The following ARHGEF10L variants were observed in gnomAD, a reference collection of about 807,000 sequenced individuals.
The protein encoded by ARHGEF10L is rho guanine nucleotide exchange factor 10-like protein.
In ARHGEF10L, 69 loss-of-function variants were observed where a neutral mutation model predicts 141.2. The observed-to-expected ratio is 0.49, with a 90% confidence interval of 0.40 to 0.60. The LOEUF is 0.60. Ranked by LOEUF, ARHGEF10L falls within the 20% of genes least tolerant of loss-of-function variation. The pLI, the probability that ARHGEF10L is intolerant of heterozygous loss-of-function variation, is 0.00. For synonymous variants in ARHGEF10L, 711 were observed against 718.5 expected (o/e 0.99, Z 0.17); for missense variants, 1,482 against 1,734.3 (o/e 0.85, Z 2.58).
At chr1:17,546,864 G>A (rs1415221931) in intron 1 of ARHGEF10L, among the ~76,000 whole-genome samples, 1 of 152,182 alleles carries the variant, frequency 6.6e-6, no homozygotes, top group Admixed American at 6.5e-5. Flanking sequence ...AGAGTGGCAG[G>A]CACCTTGGTA....
At chr1:17,651,245 A>G (rs1292649978) in intron 22 of ARHGEF10L, among the ~76,000 whole-genome samples, 1 of 152,140 alleles carries the variant, frequency 6.6e-6, no homozygotes, top group African/African-American at 2.4e-5. Flanking sequence ...GCCCTGGTGG[A>G]GGCCGTCGGC....
chr1:17,688,601 C>T (rs960303345), intron 27 of ARHGEF10L, among the ~76,000 whole-genome samples: 2 of 152,180 alleles, frequency 1.3e-5, no homozygotes, highest in African/African-American at 4.8e-5. Context: ...CTGGGAGAGC[C>T]AAAGGGCCCT....
chr1:17,543,127 C>T (rs1247935356), intron 1 of ARHGEF10L, among the ~76,000 whole-genome samples: 1 of 152,194 alleles, frequency 6.6e-6, no homozygotes, highest in African/African-American at 2.4e-5. Context: ...CATTTTCATT[C>T]AGGACCCTGG....
In ARHGEF10L at chr1:17,656,541, C is replaced by A; in HGVS notation, c.2706-13C>A. On this transcript the variant is annotated splice_polypyrimidine_tract_variant and intron_variant, in intron 24 of 28. Coordinates refer to ENST00000361221, the MANE Select transcript of ARHGEF10L (RefSeq NM_018125.4). The surrounding 1 kb of genome is among the most constrained non-coding windows in gnomAD (Gnocchi z 4.9). ...CAGTGTGTCATGACCGCTTCTCCAA[C>A]CTCTCCCCGCAGCATCCTCCTCTAC... 6.2e-7 allele frequency: 1 copy of A among 1,603,756 alleles called. No individual in the cohort carries two copies. The highest frequency in any genetic ancestry group is 8.5e-7 in the Non-Finnish European group (1 of 1,172,636).
At chr1:17,605,687 G>A (rs2081106706) in intron 6 of ARHGEF10L, among the ~76,000 whole-genome samples, 1 of 152,160 alleles carries the variant, frequency 6.6e-6, no homozygotes, top group Admixed American at 6.5e-5. Context: ...GCACAGGGCC[G>A]CTGGGAGCCG....
chr1:17,643,919 C>G (rs976649121), intron 21 of ARHGEF10L, among the ~76,000 whole-genome samples: 1 of 152,262 alleles, frequency 6.6e-6, no homozygotes, highest in South Asian at 2.1e-4. Flanking sequence ...GGTAAAAGCT[C>G]CAGAACAGGG....
Position 17,599,033 on chromosome 1 carries a change from C to T in ARHGEF10L, c.258-3094C>T, listed in dbSNP as rs10888044. On this transcript the variant is annotated intron_variant, in intron 4 of 28. Coordinates refer to ENST00000361221, the MANE Select transcript of ARHGEF10L (RefSeq NM_018125.4). ...GAATAGGGGTAACAACACCTGCCTC[C>T]GGTGTGTTCCTGCAAAATTAAATGT... is the stretch of plus-strand genomic sequence containing the variant. 9.9e-3 allele frequency among the ~76,000 whole-genome samples: 1,500 copies of T among 152,164 alleles called. 25 individuals are homozygous for T. Among genetic ancestry groups the T allele is most frequent in the African/African-American group, 0.034 (1,426 of 41,504 alleles).
intron 3 of ARHGEF10L, among the ~76,000 whole-genome samples, chr1:17,588,090 T>G (rs924493590): frequency 1.3e-5 from 2 of 152,150 alleles, no homozygotes; most frequent in African/African-American, 4.8e-5. Context: ...GAGTCTGTTA[T>G]CTGAGAGAGA....
At position 17,618,634 on chromosome 1, in the gene ARHGEF10L, G is replaced by A. The variant is rs992639615; in HGVS notation, c.836-705G>A. On this transcript the variant is annotated intron_variant, in intron 9 of 28. Transcript: ENST00000361221. ...CCATTTCCTGCTGCCCACAGCCACC[G>A]CTGGAGTCAGAGCCATTCAGCAGCT... 1.9e-4 allele frequency: 152 copies of A among 802,052 alleles called. 1 individual carries two copies. In the East Asian group the frequency reaches 4.9e-3, roughly 26 times the overall value. The allele number at this position is 802,052 out of a possible 1,614,324, so 49.7% of individuals were successfully genotyped here.
chr1:17,684,429 G>A (rs1199319964), intron 26 of ARHGEF10L, among the ~76,000 whole-genome samples: 2 of 152,178 alleles, frequency 1.3e-5, no homozygotes, highest in African/African-American at 4.8e-5. Context: ...TACTAAACCT[G>A]ACTTTGCACA....
intron 1 of ARHGEF10L, among the ~76,000 whole-genome samples, chr1:17,577,190 A>G (rs2078258520): frequency 6.6e-6 from 1 of 152,138 alleles, no homozygotes; most frequent in Admixed American, 6.5e-5. Context: ...GACTACAGGC[A>G]TGTGCCACCA....
At chr1:17,515,291 C>CTTTTTTTTTTTT in the ARHGEF10L span, among the ~76,000 whole-genome samples, 1 of 132,000 alleles carries the variant, frequency 7.6e-6, no homozygotes. Flanking sequence ...CTTTTTCTCT[C>CTTTTTTTTTTTT]TTTTTTTTTT....
chr1:17,656,359 C>T lies in ARHGEF10L; in HGVS notation c.2706-195C>T, dbSNP rs190068523. ...TGAGTCCTCTTCGTGACAGAGGTGT[C>T]AGGGAGGGTACCGTCCCAGAAAACC... is the stretch of plus-strand genomic sequence containing the variant. On this transcript the variant is annotated intron_variant, in intron 24 of 28. Coordinates refer to ENST00000361221, the MANE Select transcript of ARHGEF10L (RefSeq NM_018125.4). This position sits in a 1 kb window ranked among gnomAD's most constrained non-coding sequence, Gnocchi z 4.9. Among the ~76,000 whole-genome samples, 10 of 152,224 alleles carry T rather than the reference C, an allele frequency of 6.6e-5. No homozygotes were observed. The highest frequency in any genetic ancestry group is 2.4e-4 in the African/African-American group (10 of 41,458).
intron 1 of ARHGEF10L, among the ~76,000 whole-genome samples, chr1:17,561,026 C>T (rs1347625090): frequency 1.1e-4 from 16 of 152,194 alleles, no homozygotes. Context: ...GCTGTGTGGT[C>T]TTGGGCAGGT....
chr1:17,518,797 T>C, the ARHGEF10L span, among the ~76,000 whole-genome samples: 126,262 of 131,204 alleles, frequency 0.96, 60,802 homozygotes, highest in Non-Finnish European at 0.97. Context: ...AGCAAGATTC[T>C]GTCTCAAAAA....
At chr1:17,628,820 C>A (rs2060520960) in intron 15 of ARHGEF10L, among the ~76,000 whole-genome samples, 1 of 152,164 alleles carries the variant, frequency 6.6e-6, no homozygotes, top group East Asian at 1.9e-4. Context: ...GTGTGCTGCA[C>A]TTTACAGTAT....
chr1:17,686,642 C>A (rs536940791), intron 26 of ARHGEF10L, among the ~76,000 whole-genome samples: 1 of 152,002 alleles, frequency 6.6e-6, no homozygotes, highest in South Asian at 2.1e-4. Context: ...GGCAGGGGTG[C>A]GGCTGTGTGG....
At chr1:17,536,960 C>T (rs1452564813), upstream of ARHGEF10L, among the ~76,000 whole-genome samples, 3 of 152,244 alleles carry the variant, frequency 2.0e-5, no homozygotes, top group South Asian at 4.1e-4. Flanking sequence ...GCCTCAAACT[C>T]CTGGGCTCAA....
At chr1:17,580,047 G>A (rs1207774921) in intron 1 of ARHGEF10L, among the ~76,000 whole-genome samples, 1 of 152,240 alleles carries the variant, frequency 6.6e-6, no homozygotes, top group African/African-American at 2.4e-5. Flanking sequence ...CAACCCATGG[G>A]GCAGGACAGG....
Sources: gnomAD v4.1 joint callset for allele counts (sites outside exome capture counted in the v4.1 genomes callset) on GRCh38, gnomAD v4.1.1 for gene constraint, Gnocchi (gnomAD v3.1) non-coding constraint, MANE v1.5 for transcripts, NCBI Gene and HGNC (gene_info 2026-07-23, HGNC 2026-07-21) for gene names.